Variants in LYPLA1 observed in about 807,000 individuals in gnomAD.
The protein encoded by LYPLA1 is acyl-protein thioesterase 1.
A neutral mutation model predicts 34.0 loss-of-function variants in LYPLA1; 17 were observed. That is an observed-to-expected ratio of 0.50 (90% CI 0.34 to 0.75). The LOEUF is 0.75. LYPLA1 is among the 30% of genes least tolerant of loss of function. The pLI, the probability that LYPLA1 is intolerant of heterozygous loss-of-function variation, is 0.01. For missense variants in LYPLA1, 203 were observed against 288.8 expected (o/e 0.70, Z 2.15); for synonymous variants, 98 against 100.8 (o/e 0.97, Z 0.17).
At chr8:54,101,522 T>C (rs1417913631) in intron 1 of LYPLA1, 2 of 1,136,464 alleles carry the variant, frequency 1.8e-6, no homozygotes, top group African/African-American at 3.3e-5. Flanking sequence ...GGGGCCACAC[T>C]TCCTCCGCAA....
chr8:54,043,637 G>A (rs1479102266), downstream of LYPLA1, among the ~76,000 whole-genome samples: 3 of 151,730 alleles, frequency 2.0e-5, no homozygotes, highest in Non-Finnish European at 4.4e-5. Flanking sequence ...GTGCAAAATC[G>A]GTTCACTACA....
chr8:54,065,664 A>G (rs1807009432), intron 3 of LYPLA1, 84 bp downstream of exon 3: 1 of 963,288 alleles, frequency 1.0e-6, no homozygotes, highest in African/African-American at 1.6e-5. Context: ...AACTGTATTC[A>G]AATACTTTTC....
intron 2 of LYPLA1, among the ~76,000 whole-genome samples, chr8:54,098,849 A>T (rs528208231): frequency 3.9e-5 from 6 of 152,338 alleles, no homozygotes; most frequent in Non-Finnish European, 8.8e-5. Flanking sequence ...TTAAGTATTA[A>T]ATTGCCACTT....
At chr8:54,080,548 G>T (rs1469416564) in intron 2 of LYPLA1, among the ~76,000 whole-genome samples, 1 of 152,078 alleles carries the variant, frequency 6.6e-6, no homozygotes, top group African/African-American at 2.4e-5. Context: ...TAAATTGATG[G>T]TGACTATAGA....
At chr8:54,070,246 C>T (rs969988227) in intron 2 of LYPLA1, among the ~76,000 whole-genome samples, 3 of 152,014 alleles carry the variant, frequency 2.0e-5, no homozygotes, top group Admixed American at 6.5e-5. Context: ...ACCCGGGAGG[C>T]GGAAGTTGCG....
At chr8:54,053,840 A>G (rs574173303) in intron 6 of LYPLA1, among the ~76,000 whole-genome samples, 10 of 152,268 alleles carry the variant, frequency 6.6e-5, no homozygotes, top group African/African-American at 2.4e-4. Flanking sequence ...GCCTTGCCTC[A>G]TTTTCCTCCT....
intron 2 of LYPLA1, among the ~76,000 whole-genome samples, chr8:54,091,963 C>T (rs188857986): frequency 1.3e-5 from 2 of 152,186 alleles, no homozygotes; most frequent in African/African-American, 4.8e-5. Context: ...TGGCATGCAG[C>T]TGTACTTCCA....
downstream of LYPLA1, among the ~76,000 whole-genome samples, chr8:54,044,513 T>G (rs558725092): frequency 6.6e-6 from 1 of 152,032 alleles, no homozygotes; most frequent in African/African-American, 2.4e-5. Context: ...TGAGGGATGA[T>G]TTCATCTCTC....
intron 2 of LYPLA1, among the ~76,000 whole-genome samples, chr8:54,094,152 C>T (rs1392833756): frequency 4.6e-5 from 7 of 152,206 alleles, no homozygotes; most frequent in African/African-American, 1.7e-4. Context: ...CTTCTCTATA[C>T]TTTTATAATC....
chr8:54,044,243 A>C (rs532725985), downstream of LYPLA1, among the ~76,000 whole-genome samples: 3 of 152,088 alleles, frequency 2.0e-5, no homozygotes, highest in African/African-American at 7.2e-5. Context: ...TAGGTAAATC[A>C]TTCCCTCTTA....
chr8:54,054,941 A>G (rs2129326553), intron 6 of LYPLA1, 119 bp downstream of exon 6: 2 of 651,134 alleles, frequency 3.1e-6, no homozygotes, highest in South Asian at 1.9e-5. Context: ...CATCAAAGGT[A>G]AGTGTATCAG....
downstream of LYPLA1, chr8:54,044,959 T>A (rs538530085): frequency 6.6e-6 from 1 of 152,316 alleles, no homozygotes; most frequent in Admixed American, 6.5e-5. Flanking sequence ...GTGTCCTGTA[T>A]TATATGAAAT....
In LYPLA1 at chr8:54,059,609, C is replaced by T. The variant is rs1016545906; in HGVS notation, c.286+2645G>A. Among the ~76,000 whole-genome samples, 4 of 152,090 alleles carry T rather than the reference C, an allele frequency of 2.6e-5. 1 individual carries two copies. Among genetic ancestry groups the T allele is most frequent in the Non-Finnish European group, 5.9e-5 (4 of 68,022 alleles). On this transcript the variant is annotated intron_variant, in intron 5 of 8. Transcript: ENST00000316963. ...GTGAGCCACCGCGCCCGGCCATTTTCCCTGTTTTAAAGACCTTAAAGAGTT... is the reference window on the plus strand; with the variant it reads ...GTGAGCCACCGCGCCCGGCCATTTTTCCTGTTTTAAAGACCTTAAAGAGTT...
chr8:54,057,021 C>T (rs189293054), intron 5 of LYPLA1, among the ~76,000 whole-genome samples: 1 of 152,120 alleles, frequency 6.6e-6, no homozygotes. Flanking sequence ...CATCACTGAT[C>T]GCCAGCAAAA....
At position 54,047,236 on chromosome 8, in the gene LYPLA1, T is replaced by C. The variant is rs1183545866; in HGVS notation, c.*829A>G. 6.6e-6 allele frequency: 1 copy of C among 152,172 alleles called. No homozygotes were observed. Among genetic ancestry groups the C allele is most frequent in the African/African-American group, 2.4e-5 (1 of 41,462 alleles). 9.4% of individuals were successfully genotyped at this position (152,172 alleles called of 1,614,324 possible). On this transcript the variant is annotated 3_prime_UTR_variant, in exon 9 of 9. Transcript: ENST00000316963. ...AGGTACAGTAATTCGAAATAAGTAG[T>C]GCATGAAGTTTTAATGTCTGGTTTC...
At chr8:54,084,026 T>C (rs1433222185) in intron 2 of LYPLA1, among the ~76,000 whole-genome samples, 2 of 150,844 alleles carry the variant, frequency 1.3e-5, no homozygotes, top group African/African-American at 2.5e-5. Context: ...TAATCCCAGC[T>C]ACTTGGGAGG....
chr8:54,059,215 A>C (rs1043031057), intron 5 of LYPLA1, among the ~76,000 whole-genome samples: 3 of 152,120 alleles, frequency 2.0e-5, no homozygotes, highest in African/African-American at 7.2e-5. Flanking sequence ...TTCTAACTCT[A>C]ATCTACTTTT....
At chr8:54,097,078 A>G (rs73681309) in intron 2 of LYPLA1, among the ~76,000 whole-genome samples, 20,092 of 152,176 alleles carry the variant, frequency 0.13, 3,525 homozygotes, top group African/African-American at 0.41. Flanking sequence ...TCAATGGATG[A>G]TAAAAATATT....
At chr8:54,092,347 AGAG>A (rs1001462274) in intron 2 of LYPLA1, among the ~76,000 whole-genome samples, 2 of 150,814 alleles carry the variant, frequency 1.3e-5, no homozygotes, top group African/African-American at 2.4e-5. Flanking sequence ...AGAAGGAGGA[AGAG>A]GAGGAGAAGG....
Sources: gnomAD v4.1 joint callset for allele counts (sites outside exome capture counted in the v4.1 genomes callset) on GRCh38, gnomAD v4.1.1 for gene constraint, MANE v1.5 for transcripts, NCBI Gene and HGNC (gene_info 2026-07-23, HGNC 2026-07-21) for gene names.